THBS4: variants seen among roughly 807,000 people sequenced by gnomAD.
THBS4 encodes thrombospondin-4.
A neutral mutation model predicts 115.7 loss-of-function variants in THBS4; 90 were observed. The observed-to-expected ratio is 0.78, with a 90% confidence interval of 0.66 to 0.93. The LOEUF is 0.93. THBS4 is among the 40% of genes least tolerant of loss of function. THBS4 has a pLI of 0.00. For missense variants in THBS4, 1,087 were observed against 1,232.7 expected (o/e 0.88, Z 1.77); for synonymous variants, 460 against 479.3 (o/e 0.96, Z 0.53).
At chr5:80,075,382 G>T (rs189114219) in intron 15 of THBS4, 1 of 152,124 alleles carries the variant, frequency 6.6e-6, no homozygotes, top group Admixed American at 6.5e-5. Context: ...TAAAGCTCCC[G>T]GCACAGTGCT....
chr5:80,039,987 T>C lies in THBS4; in HGVS notation c.89-90T>C, dbSNP rs1179079761. 6.2e-6 allele frequency: 7 copies of C among 1,132,950 alleles called. No individual in the cohort carries two copies. The East Asian group carries it at 9.4e-5, about 15-fold the overall frequency. The allele number at this position is 1,132,950 out of a possible 1,614,324, so 70.2% of individuals were successfully genotyped here. ...TAGTTTACATTACTTTGTAGCTTAC[T>C]GTCAAATTGCACCCCCCCCAAACAA... On this transcript the variant is annotated intron_variant, in intron 1 of 21. Coordinates refer to ENST00000350881, the MANE Select transcript of THBS4 (RefSeq NM_003248.6).
At chr5:79,994,022 T>A (rs1352485453) in intron 1 of THBS4, among the ~76,000 whole-genome samples, 2 of 152,244 alleles carry the variant, frequency 1.3e-5, no homozygotes, top group East Asian at 3.8e-4. Flanking sequence ...CCAATCATTT[T>A]ACATTGATAC....
At chr5:80,028,198 G>A (rs1041013893) in intron 2 of THBS4, among the ~76,000 whole-genome samples, 15 of 151,634 alleles carry the variant, frequency 9.9e-5, no homozygotes, top group Non-Finnish European at 1.8e-4. Flanking sequence ...CCCCACCTCC[G>A]CCACTGTCTC....
chr5:80,067,124 TTA>T (rs1833857241), intron 9 of THBS4: 1 of 151,856 alleles, frequency 6.6e-6, no homozygotes, highest in African/African-American at 2.4e-5. Flanking sequence ...TAATACTATA[TTA>T]TATATATGAA....
intron 2 of THBS4, among the ~76,000 whole-genome samples, chr5:80,004,894 C>T (rs926383354): frequency 6.6e-6 from 1 of 152,018 alleles, no homozygotes; most frequent in Non-Finnish European, 1.5e-5. Context: ...CCCACCACCA[C>T]ACCCGGCTAA....
upstream of THBS4, among the ~76,000 whole-genome samples, chr5:80,032,084 A>G (rs186372341): frequency 2.0e-4 from 31 of 152,372 alleles, no homozygotes; most frequent in Middle Eastern, 0.014. Flanking sequence ...TAAATGAAAT[A>G]AAATCCAATG....
upstream of THBS4, among the ~76,000 whole-genome samples, chr5:80,034,976 C>T (rs181275768): frequency 2.6e-5 from 4 of 152,278 alleles, no homozygotes; most frequent in Non-Finnish European, 5.9e-5. Context: ...ACAAAAGGAG[C>T]GCAAGGAGTA....
intron 14 of THBS4, chr5:80,072,607 G>T (rs1834108802): frequency 1.8e-6 from 1 of 564,024 alleles, no homozygotes; most frequent in Non-Finnish European, 3.2e-6. Context: ...CTCCCAGGCT[G>T]TCGATTGCCT....
chr5:80,040,124 C>G lies in THBS4; in HGVS notation c.136C>G (p.Leu46Val). Residue 46 changes from leucine (L) to valine (V), a missense_variant, in exon 2 of 22, where the codon CTG becomes GTG. This residue lies in a region of THBS4 where 979 missense variants were observed against 1,103.7 expected (regional missense o/e 0.89). Coordinates refer to ENST00000350881, the MANE Select transcript of THBS4 (RefSeq NM_003248.6). ...CAGTCAGAGGCTAAACCCAGGCGCT[C>G]TGCTGCCAGTCCTGACAGACCCCGC... is the stretch of plus-strand genomic sequence containing the variant. Reference protein sequence around the residue: ...SSSQRLNPGALLPVLTDPALN... With the variant: ...SSSQRLNPGAVLPVLTDPALN... 1 of 1,614,128 alleles carries G rather than the reference C, an allele frequency of 6.2e-7. No individual in the cohort carries two copies. Among genetic ancestry groups the G allele is most frequent in the Non-Finnish European group, 8.5e-7 (1 of 1,180,028 alleles).
chr5:80,025,886 G>A (rs564804283), intron 2 of THBS4, among the ~76,000 whole-genome samples: 1 of 152,152 alleles, frequency 6.6e-6, no homozygotes, highest in Non-Finnish European at 1.5e-5. Context: ...TTTTAAATGT[G>A]GTAGCCAAAA....
At position 80,074,020 on chromosome 5, in the gene THBS4, A is replaced by C. The variant is rs539558537; in HGVS notation, c.1892+693A>C. On this transcript the variant is annotated intron_variant, in intron 15 of 21. Coordinates refer to ENST00000350881, the MANE Select transcript of THBS4 (RefSeq NM_003248.6). ...TTGCCTCAATTTTCTCATCTGTAAA[A>C]TGAGGATGACAATAGATCTAGCTCA... Among the ~76,000 whole-genome samples, 11 of 152,346 alleles carry C rather than the reference A, an allele frequency of 7.2e-5. No individual in the cohort carries two copies. The South Asian group carries it at 2.3e-3, about 32-fold the overall frequency.
chr5:79,992,688 A>G (rs1325736782), intron 1 of THBS4, among the ~76,000 whole-genome samples: 1 of 152,234 alleles, frequency 6.6e-6, no homozygotes, highest in Admixed American at 6.5e-5. Context: ...TAAAACATGA[A>G]TTCTGTCCTC....
At chr5:80,024,392 A>G (rs984286815) in intron 2 of THBS4, among the ~76,000 whole-genome samples, 6 of 152,208 alleles carry the variant, frequency 3.9e-5, no homozygotes, top group African/African-American at 7.2e-5. Context: ...CAGAAGCCCA[A>G]TGCTGTTCAT....
In THBS4 at chr5:80,080,091, C is replaced by G. The variant is rs1743414005; in HGVS notation, c.2684+14C>G. ...GGGCTACATCAGGTAGGTAGAGGCC[C>G]CATCTCCTTACCTTGCTCTAGAAGC... On this transcript the variant is annotated intron_variant, in intron 20 of 21. Coordinates refer to ENST00000350881, the MANE Select transcript of THBS4 (RefSeq NM_003248.6). 6.2e-7 allele frequency: 1 copy of G among 1,610,846 alleles called. No homozygotes were observed. The highest frequency in any genetic ancestry group is 2.2e-5 in the East Asian group (1 of 44,796).
At chr5:79,995,996 A>G (rs1165262568) in intron 1 of THBS4, among the ~76,000 whole-genome samples, 1 of 150,166 alleles carries the variant, frequency 6.7e-6, no homozygotes, top group Non-Finnish European at 1.5e-5. Context: ...AATTAGCTGG[A>G]TGTGGTGGCG....
At chr5:80,033,085 C>A, upstream of THBS4, 1 of 199,328 alleles carries the variant, frequency 5.0e-6, no homozygotes, top group Non-Finnish European at 1.2e-5. Context: ...GGGTTGGGGA[C>A]ACACATGGCA....
rs759288555 is a variant in THBS4 at position 80,078,193 on chromosome 5, C to A, written c.2231C>A (p.Ala744Asp). ...GTGGTCCTGGATCCTGAAGGGGATG[C>A]CCAGATCGATCCCAACTGGGTGGTC... Reference protein sequence around the residue: ...QTVVLDPEGDAQIDPNWVVLN... With the variant: ...QTVVLDPEGDDQIDPNWVVLN... Residue 744 changes from alanine to aspartate, a missense_variant, in exon 17 of 22, where the codon GCC (alanine) becomes GAC (aspartate). Physicochemically the swap from Ala to Asp is moderately radical, Grantham distance 126 (BLOSUM62 -2). Around this residue, in one of 3 missense-constraint regions of THBS4, gnomAD observed 979 missense variants for 1,103.7 expected, o/e 0.89. Transcript: ENST00000350881. 1.9e-6 allele frequency: 3 copies of A among 1,604,274 alleles called. No homozygotes were observed. In the South Asian group the frequency reaches 3.3e-5, roughly 18 times the overall value.
intron 20 of THBS4, chr5:80,081,943 G>C (rs1419507861): frequency 6.5e-6 from 1 of 154,502 alleles, no homozygotes; most frequent in East Asian, 1.9e-4. Context: ...GCTGTCTCCT[G>C]TGGAGAATCA....
chr5:80,076,153 G>C (rs1743204675), intron 15 of THBS4: 1 of 152,258 alleles, frequency 6.6e-6, no homozygotes. Context: ...AAGTCCTTTA[G>C]ACCAGCACTG....
Sources: gnomAD v4.1 joint callset for allele counts (sites outside exome capture counted in the v4.1 genomes callset) on GRCh38, gnomAD v4.1.1 for gene constraint, gnomAD v4.1.1 regional missense constraint, MANE v1.5 for transcripts, NCBI Gene and HGNC (gene_info 2026-07-23, HGNC 2026-07-21) for gene names.